NAALADL2: variants seen among roughly 807,000 people sequenced by gnomAD.
NAALADL2 encodes the protein N-acetylated alpha-linked acidic dipeptidase like 2.
NAALADL2 carries 76 observed loss-of-function variants against 87.2 expected under a neutral mutation model. That is an observed-to-expected ratio of 0.87 (90% CI 0.72 to 1.05). NAALADL2 has a LOEUF of 1.05. NAALADL2 is among the 50% of genes least tolerant of loss of function. The pLI, the probability that NAALADL2 is intolerant of heterozygous loss-of-function variation, is 0.00. For synonymous variants in NAALADL2, 354 were observed against 331.0 expected (o/e 1.07, Z -0.75); for missense variants, 1,089 against 945.8 (o/e 1.15, Z -1.99).
chr3:175,404,521 A>C (rs943744732), intron 5 of NAALADL2, among the ~76,000 whole-genome samples: 1 of 152,158 alleles, frequency 6.6e-6, no homozygotes, highest in African/African-American at 2.4e-5. Context: ...AAGCAATGCA[A>C]TGTAGAGAGT....
intron 2 of NAALADL2, among the ~76,000 whole-genome samples, chr3:174,608,512 C>G (rs1447779247): frequency 6.6e-6 from 1 of 151,228 alleles, no homozygotes; most frequent in Non-Finnish European, 1.5e-5. Context: ...ATACAAACTA[C>G]CATCAGAGAA....
At chr3:175,282,445 A>G (rs1390115269) in intron 4 of NAALADL2, among the ~76,000 whole-genome samples, 1 of 152,096 alleles carries the variant, frequency 6.6e-6, no homozygotes, top group East Asian at 1.9e-4. Context: ...AAACCACAGT[A>G]ACAGCCTTTA....
intron 1 of NAALADL2, among the ~76,000 whole-genome samples, chr3:174,441,757 G>A (rs976201607): frequency 1.1e-4 from 14 of 122,452 alleles, no homozygotes; most frequent in Non-Finnish European, 2.0e-4. Flanking sequence ...CCTTTGTATT[G>A]CGTCTCTTGG....
intron 2 of NAALADL2, among the ~76,000 whole-genome samples, chr3:175,226,169 T>C (rs1392881714): frequency 6.6e-6 from 1 of 152,120 alleles, no homozygotes; most frequent in African/African-American, 2.4e-5. Context: ...CATATTTTCG[T>C]TGATCAGAAG....
At chr3:175,214,435 G>A (rs1742208776) in intron 2 of NAALADL2, among the ~76,000 whole-genome samples, 1 of 152,108 alleles carries the variant, frequency 6.6e-6, no homozygotes, top group African/African-American at 2.4e-5. Context: ...TATCTTGAAA[G>A]GCTATAAACC....
At chr3:174,858,509 C>T (rs990819403), upstream of NAALADL2, among the ~76,000 whole-genome samples, 4 of 152,004 alleles carry the variant, frequency 2.6e-5, no homozygotes, top group Non-Finnish European at 5.9e-5. Context: ...AATATCATGA[C>T]TCTCCTTTTA....
chr3:175,277,606 A>C (rs1466722072), intron 4 of NAALADL2, among the ~76,000 whole-genome samples: 1 of 151,978 alleles, frequency 6.6e-6, no homozygotes, highest in Non-Finnish European at 1.5e-5. Context: ...CTTAACATAA[A>C]CCTTATTGTG....
At chr3:175,045,636 G>A (rs957905688) in intron 1 of NAALADL2, among the ~76,000 whole-genome samples, 7 of 152,180 alleles carry the variant, frequency 4.6e-5, no homozygotes, top group Admixed American at 2.0e-4. Flanking sequence ...ATAGCGGCCA[G>A]TATGATAATC....
chr3:174,734,763 C>T (rs138396885), intron 2 of NAALADL2, among the ~76,000 whole-genome samples: 401 of 152,262 alleles, frequency 2.6e-3, no homozygotes, highest in Middle Eastern at 6.8e-3. Flanking sequence ...TTTACAAGAT[C>T]TACCTTAAGC....
At chr3:175,475,176 G>T (rs1469356774) in intron 9 of NAALADL2, among the ~76,000 whole-genome samples, 2 of 151,848 alleles carry the variant, frequency 1.3e-5, no homozygotes, top group Non-Finnish European at 2.9e-5. Flanking sequence ...GAGAATAAGA[G>T]ATCCTTGCTA....
chr3:174,828,708 G>T (rs1410423125), intron 3 of NAALADL2, among the ~76,000 whole-genome samples: 3 of 152,138 alleles, frequency 2.0e-5, no homozygotes, highest in Non-Finnish European at 4.4e-5. Flanking sequence ...GGATAAACAT[G>T]GTTATGCACA....
intron 1 of NAALADL2, among the ~76,000 whole-genome samples, chr3:175,092,182 G>A (rs1720272872): frequency 6.7e-6 from 1 of 150,178 alleles, no homozygotes; most frequent in South Asian, 2.1e-4. Flanking sequence ...TGACAAATGT[G>A]AAATTTAAGC....
At chr3:175,342,007 A>C (rs1762613069) in intron 5 of NAALADL2, among the ~76,000 whole-genome samples, 1 of 152,034 alleles carries the variant, frequency 6.6e-6, no homozygotes, top group African/African-American at 2.4e-5. Context: ...TTTATGTATT[A>C]TTTCTATTCA....
chr3:175,025,646 C>T lies in NAALADL2; in HGVS notation c.44-71144C>T, dbSNP rs1488879415. Among the ~76,000 whole-genome samples the T allele has an allele frequency of 2.0e-5, 3 of 152,134 alleles. No individual in the cohort carries two copies. The East Asian group carries it at 5.8e-4, about 29-fold the overall frequency. ...AATTTATAAGTGAAAATGTCATGAA[C>T]ATAGAGGACATAAGTTTCCAAAAAT... On this transcript the variant is annotated intron_variant, in intron 1 of 13. Transcript: ENST00000454872.
intron 1 of NAALADL2, among the ~76,000 whole-genome samples, chr3:174,913,211 T>A (rs1733933013): frequency 6.6e-6 from 1 of 152,170 alleles, no homozygotes. Flanking sequence ...TACCAACTAG[T>A]AAGACAAGTT....
At chr3:174,991,983 AAAAT>A (rs1442499856) in intron 1 of NAALADL2, among the ~76,000 whole-genome samples, 2 of 152,026 alleles carry the variant, frequency 1.3e-5, no homozygotes, top group African/African-American at 4.8e-5. Context: ...TATAAATTAT[AAAAT>A]AAATCATAAT....
At chr3:174,794,764 A>G (rs1264139290) in intron 3 of NAALADL2, among the ~76,000 whole-genome samples, 1 of 152,134 alleles carries the variant, frequency 6.6e-6, no homozygotes, top group Non-Finnish European at 1.5e-5. Flanking sequence ...TACTCTGAAT[A>G]TCTGAGTCTT....
At chr3:175,453,420 T>G (rs1021002666) in intron 6 of NAALADL2, among the ~76,000 whole-genome samples, 1 of 152,134 alleles carries the variant, frequency 6.6e-6, no homozygotes, top group African/African-American at 2.4e-5. Context: ...CTTGCATGTC[T>G]GTGTCTCTAA....
chr3:175,089,509 A>G (rs1486538193), intron 1 of NAALADL2, among the ~76,000 whole-genome samples: 1 of 152,190 alleles, frequency 6.6e-6, no homozygotes, highest in African/African-American at 2.4e-5. Context: ...AGCACTTAAC[A>G]TAGGATTGTT....
Sources: allele counts gnomAD v4.1 joint callset (sites outside exome capture counted in the v4.1 genomes callset), GRCh38; gene constraint gnomAD v4.1.1; transcripts MANE v1.5; gene names NCBI Gene and HGNC (gene_info 2026-07-23, HGNC 2026-07-21).